The following NAALAD2 variants were observed in gnomAD, a reference collection of about 807,000 sequenced individuals.
The protein encoded by NAALAD2 is N-acetylated-alpha-linked acidic dipeptidase 2.
In NAALAD2, 89 loss-of-function variants were observed where a neutral mutation model predicts 95.6. That is an observed-to-expected ratio of 0.93 (90% CI 0.78 to 1.11). NAALAD2 has a LOEUF of 1.11. NAALAD2 is among the 50% of genes least tolerant of loss of function. The pLI is 0.00. For missense variants in NAALAD2, 894 were observed against 872.4 expected (o/e 1.02, Z -0.31); for synonymous variants, 264 against 294.4 (o/e 0.90, Z 1.06).
At chr11:90,163,285 G>T in intron 9 of NAALAD2, 25 bp from the exon 10 acceptor site, 1 of 1,597,128 alleles carries the variant, frequency 6.3e-7, no homozygotes, top group Non-Finnish European at 8.5e-7. Context: ...AAAGTTGTAG[G>T]TTTCTTGAAC....
At chr11:90,149,803 A>G (rs187255630) in intron 4 of NAALAD2, among the ~76,000 whole-genome samples, 78 of 152,180 alleles carry the variant, frequency 5.1e-4, no homozygotes, top group Non-Finnish European at 9.7e-4. Context: ...GGATTCATAG[A>G]TAGGATTTTA....
intron 2 of NAALAD2, among the ~76,000 whole-genome samples, chr11:90,142,860 T>C (rs1239728525): frequency 6.6e-6 from 1 of 152,110 alleles, no homozygotes; most frequent in Non-Finnish European, 1.5e-5. Flanking sequence ...CTTTTGGCTA[T>C]ACCTCTTTGG....
chr11:90,186,814 A>G (rs1857157637), intron 18 of NAALAD2, among the ~76,000 whole-genome samples: 2 of 144,248 alleles, frequency 1.4e-5, no homozygotes, highest in African/African-American at 5.1e-5. Context: ...ACAAAAGACA[A>G]AATTGACAAA....
intron 13 of NAALAD2, among the ~76,000 whole-genome samples, chr11:90,170,872 A>G (rs1952612723): frequency 6.6e-6 from 1 of 152,210 alleles, no homozygotes; most frequent in Admixed American, 6.5e-5. Flanking sequence ...AGCATGGCCA[A>G]GCCAAAGGCG....
At position 90,174,618 on chromosome 11, in the gene NAALAD2, C is replaced by T. The variant is rs183714708; in HGVS notation, c.1502+703C>T. Among the ~76,000 whole-genome samples the T allele has an allele frequency of 3.2e-3, 481 of 152,002 alleles. 1 individual carries two copies. The highest frequency in any genetic ancestry group is 0.01 in the Middle Eastern group (3 of 292). On this transcript the variant is annotated intron_variant, in intron 14 of 18. Coordinates refer to ENST00000534061, the MANE Select transcript of NAALAD2 (RefSeq NM_005467.4). Reference sequence around the variant, plus strand: ...TATTAAGGAACATTATCAGTAACCACCAAATTGTGTCTTTACCTGTGATTT... The same window carrying T: ...TATTAAGGAACATTATCAGTAACCATCAAATTGTGTCTTTACCTGTGATTT...
chr11:90,134,874 G>A (rs760796236), intron 1 of NAALAD2, 34 bp downstream of exon 1: 1 of 1,606,768 alleles, frequency 6.2e-7, no homozygotes, highest in Non-Finnish European at 8.5e-7. Flanking sequence ...CCGACTCCGG[G>A]GCTCGTGATT....
At chr11:90,134,645 G>T (rs1951408533), upstream of NAALAD2, 2 of 989,654 alleles carry the variant, frequency 2.0e-6, no homozygotes, top group Non-Finnish European at 3.1e-6. Flanking sequence ...GCCTTGCGAA[G>T]GTCAGCGGAG....
intron 2 of NAALAD2, among the ~76,000 whole-genome samples, chr11:90,142,071 A>G (rs936601855): frequency 2.0e-5 from 3 of 152,112 alleles, no homozygotes; most frequent in Non-Finnish European, 4.4e-5. Flanking sequence ...AAGTTAAGAA[A>G]GCTCTCCTCT....
At chr11:90,135,421 A>AT in intron 1 of NAALAD2, 138 bp from the exon 2 acceptor site, 1 of 465,612 alleles carries the variant, frequency 2.1e-6, no homozygotes, top group South Asian at 6.3e-5. Flanking sequence ...TATAAACATT[A>AT]TTTTTTAAAG....
At chr11:90,182,871 G>T in intron 17 of NAALAD2, 45 bp from the exon 18 acceptor site, 3 of 1,231,332 alleles carry the variant, frequency 2.4e-6, no homozygotes, top group South Asian at 2.6e-5. Flanking sequence ...TTTGAAGCAT[G>T]ATTCTGCGGT....
chr11:90,134,801 G>A lies in NAALAD2; in HGVS notation c.43G>A (p.Ala15Thr). 6.2e-7 allele frequency: 1 copy of A among 1,614,154 alleles called. No homozygotes were observed. The highest frequency in any genetic ancestry group is 8.5e-7 in the Non-Finnish European group (1 of 1,180,034). ...CCGTCTGTACCTTTGGATGTGCTTG[G>A]CTGCTGCGCTGGCATCTTTCCTGAT... ...RGRLYLWMCL[A>T]AALASFLMGF... Residue 15 changes from alanine to threonine, a missense_variant, in exon 1 of 19, where the codon GCT becomes ACT. Ala to Thr is a moderately conservative substitution (Grantham distance 58). Coordinates refer to ENST00000534061, the MANE Select transcript of NAALAD2 (RefSeq NM_005467.4).
At chr11:90,191,350 G>A (rs1410889157) in intron 18 of NAALAD2, among the ~76,000 whole-genome samples, 1 of 150,504 alleles carries the variant, frequency 6.6e-6, no homozygotes, top group Non-Finnish European at 1.5e-5. Context: ...CATGGTATAT[G>A]ATTCCTGAGA....
At chr11:90,155,278 TTA>T (rs1282133089) in intron 6 of NAALAD2, among the ~76,000 whole-genome samples, 1 of 119,156 alleles carries the variant, frequency 8.4e-6, no homozygotes, top group East Asian at 2.5e-4. Flanking sequence ...AATGTATATA[TTA>T]TATATGCATA....
At chr11:90,176,306 T>C (rs78865908) in intron 15 of NAALAD2, among the ~76,000 whole-genome samples, 1,584 of 152,282 alleles carry the variant, frequency 0.01, 26 homozygotes, top group African/African-American at 0.036. Context: ...CAGACACTTA[T>C]CTGGTTAATC....
In NAALAD2 at chr11:90,135,638, A is replaced by C; in HGVS notation, c.162A>C (p.Glu54Asp). The C allele has an allele frequency of 1.2e-6, 2 of 1,613,380 alleles. No individual in the cohort carries two copies. Among genetic ancestry groups the C allele is most frequent in the Non-Finnish European group, 8.5e-7 (1 of 1,179,630 alleles). The change falls in exon 2 of 19, where the codon GAA becomes GAC. Residue 54 changes from glutamate (E) to aspartate (D), a missense_variant. Glu to Asp is a conservative substitution (Grantham distance 45). Coordinates refer to ENST00000534061, the MANE Select transcript of NAALAD2 (RefSeq NM_005467.4). ...GTATACGGTGGAAACTGGTATCCGA[A>C]ATGAAAGCTGAAAACATCAAATCAT... ...HQSIRWKLVSEMKAENIKSFL... is the reference protein window; with the variant it reads ...HQSIRWKLVSDMKAENIKSFL...
chr11:90,144,815 G>A (rs1031803887), intron 2 of NAALAD2, among the ~76,000 whole-genome samples: 7 of 151,268 alleles, frequency 4.6e-5, no homozygotes, highest in African/African-American at 4.9e-5. Context: ...AGATATAAGC[G>A]AATAGTTGAT....
At chr11:90,176,582 T>C (rs1952799929) in intron 15 of NAALAD2, among the ~76,000 whole-genome samples, 2 of 152,218 alleles carry the variant, frequency 1.3e-5, no homozygotes, top group Admixed American at 1.3e-4. Context: ...TGTTCTGCAC[T>C]GACTGGTTTG....
intron 14 of NAALAD2, among the ~76,000 whole-genome samples, chr11:90,174,328 T>C (rs1047593390): frequency 3.4e-5 from 5 of 148,920 alleles, no homozygotes; most frequent in African/African-American, 1.2e-4. Context: ...TGAAACTCCA[T>C]CTCAAAAAAA....
rs147047105 is a variant in NAALAD2, at chr11:90,178,255, TAAAAC to T, written c.1858+142_1858+146del. ...TTATTTTGACTTCTACACAAAAACT[TAAAAC>T]AAACACCTATTAAAGAATCTGATTT... On this transcript the variant is annotated intron_variant, in intron 16 of 18. Transcript: ENST00000534061. 3,275 of 928,954 alleles carry T rather than the reference TAAAAC, an allele frequency of 3.5e-3. 66 individuals are homozygous for T. In the African/African-American group the frequency reaches 0.046, roughly 13 times the overall value. The allele number at this position is 928,954 out of a possible 1,614,324, so 57.5% of individuals were successfully genotyped here.
Sources: allele counts gnomAD v4.1 joint callset (sites outside exome capture counted in the v4.1 genomes callset), GRCh38; gene constraint gnomAD v4.1.1; transcripts MANE v1.5; gene names NCBI Gene and HGNC (gene_info 2026-07-23, HGNC 2026-07-21).